DCDC1: variants seen among roughly 807,000 people sequenced by gnomAD.
DCDC1 encodes doublecortin domain containing 1, also known as doublecortin domain-containing protein 1.
In DCDC1, 200 loss-of-function variants were observed where a neutral mutation model predicts 178.3. The ratio of observed to expected loss-of-function variants is 1.12; its 90% CI spans 1.00 to 1.26. The LOEUF (loss-of-function observed/expected upper bound fraction) is 1.26, where lower values mean the gene tolerates loss of function less well. DCDC1 is among the 50% of genes most tolerant of loss of function. The probability of loss-of-function intolerance (pLI) is 0.00; values close to 1 mark genes in which losing one functional copy is unlikely to be tolerated. For synonymous variants in DCDC1, 690 were observed against 604.8 expected (o/e 1.14, Z -2.07); for missense variants, 1,983 against 1,749.2 (o/e 1.13, Z -2.38).
chr11:30,906,769 T>C (rs967524818), intron 29 of DCDC1, 44 bp from the exon 30 acceptor site: 1 of 1,545,492 alleles, frequency 6.5e-7, no homozygotes, highest in South Asian at 1.2e-5. Flanking sequence ...AGCATCTAAA[T>C]TGTTATAGCA....
chr11:31,175,635 A>T (rs1420090970), intron 9 of DCDC1, among the ~76,000 whole-genome samples: 2 of 152,220 alleles, frequency 1.3e-5, no homozygotes, highest in Non-Finnish European at 2.9e-5. Flanking sequence ...CTCAACAGGA[A>T]CCATCACTTC....
At chr11:31,219,253 G>A (rs1031264436) in intron 9 of DCDC1, among the ~76,000 whole-genome samples, 7 of 152,074 alleles carry the variant, frequency 4.6e-5, no homozygotes, top group Admixed American at 4.6e-4. Context: ...CCTGTAAAAA[G>A]AAGCTGGAGG....
At chr11:31,216,874 A>C (rs566975052) in intron 9 of DCDC1, among the ~76,000 whole-genome samples, 1 of 152,352 alleles carries the variant, frequency 6.6e-6, no homozygotes, top group East Asian at 1.9e-4. Flanking sequence ...AAATAGCCAG[A>C]GTAGTCTACA....
chr11:31,042,810 T>G (rs912709903), intron 20 of DCDC1, among the ~76,000 whole-genome samples: 1 of 152,184 alleles, frequency 6.6e-6, no homozygotes, highest in Non-Finnish European at 1.5e-5. Context: ...TTAGTCTCAG[T>G]CCATGTGATT....
intron 20 of DCDC1, among the ~76,000 whole-genome samples, chr11:30,995,767 C>G (rs1241159438): frequency 6.6e-6 from 1 of 151,874 alleles, no homozygotes; most frequent in Non-Finnish European, 1.5e-5. Context: ...ATACCTTATA[C>G]AAAAAAAGTA....
chr11:31,211,894 A>AAC (rs1311896544), intron 9 of DCDC1, among the ~76,000 whole-genome samples: 1 of 152,132 alleles, frequency 6.6e-6, no homozygotes, highest in African/African-American at 2.4e-5. Flanking sequence ...CATCCTGGCT[A>AAC]ACACGGTGAA....
chr11:31,067,567 C>A (rs892096709), intron 18 of DCDC1, among the ~76,000 whole-genome samples: 3 of 151,996 alleles, frequency 2.0e-5, no homozygotes, highest in Non-Finnish European at 4.4e-5. Context: ...TGAAAACATA[C>A]ATACACACAA....
intron 9 of DCDC1, among the ~76,000 whole-genome samples, chr11:31,185,177 C>T (rs1296510052): frequency 3.3e-5 from 5 of 152,164 alleles, no homozygotes; most frequent in East Asian, 1.9e-4. Context: ...TCAAACACTG[C>T]GTGTTCTCAC....
chr11:31,087,274 G>C (rs1471671958), intron 17 of DCDC1, among the ~76,000 whole-genome samples: 1 of 151,906 alleles, frequency 6.6e-6, no homozygotes, highest in Non-Finnish European at 1.5e-5. Flanking sequence ...AATCTGACTA[G>C]AGATTTATTA....
intron 20 of DCDC1, among the ~76,000 whole-genome samples, chr11:31,053,011 CA>C (rs200282656): frequency 1.3e-5 from 2 of 151,064 alleles, no homozygotes; most frequent in Admixed American, 6.6e-5. Flanking sequence ...GAAATGGAAA[CA>C]AAAAAAATTA....
At chr11:30,868,671 T>C (rs1941248626) in intron 38 of DCDC1, among the ~76,000 whole-genome samples, 1 of 152,168 alleles carries the variant, frequency 6.6e-6, no homozygotes, top group Non-Finnish European at 1.5e-5. Flanking sequence ...GTGACTCTTG[T>C]TTGGAAATCT....
intron 6 of DCDC1, among the ~76,000 whole-genome samples, chr11:31,299,977 C>T (rs1947979279): frequency 6.6e-6 from 1 of 152,140 alleles, no homozygotes; most frequent in African/African-American, 2.4e-5. Flanking sequence ...CCTGCCTCAG[C>T]CTTCCTAGTA....
At chr11:31,215,589 T>C (rs1973441066) in intron 9 of DCDC1, among the ~76,000 whole-genome samples, 1 of 151,670 alleles carries the variant, frequency 6.6e-6, no homozygotes, top group African/African-American at 2.4e-5. Context: ...GGTCAGGAGA[T>C]TGAGACCATC....
At chr11:31,229,016 T>A (rs1048704103) in intron 9 of DCDC1, among the ~76,000 whole-genome samples, 1 of 152,068 alleles carries the variant, frequency 6.6e-6, no homozygotes, top group African/African-American at 2.4e-5. Flanking sequence ...AACAGACCTG[T>A]ACATATACCC....
intron 9 of DCDC1, among the ~76,000 whole-genome samples, chr11:31,156,410 G>T (rs1313406790): frequency 6.6e-6 from 1 of 151,326 alleles, no homozygotes; most frequent in Non-Finnish European, 1.5e-5. Context: ...CCCCTGAATT[G>T]GACTATAAAC....
intron 11 of DCDC1, among the ~76,000 whole-genome samples, chr11:31,114,642 G>A (rs1959591555): frequency 2.6e-5 from 4 of 152,188 alleles, no homozygotes; most frequent in Admixed American, 6.5e-5. Context: ...ACAGGAATGT[G>A]TCCAGTATGT....
intron 9 of DCDC1, among the ~76,000 whole-genome samples, chr11:31,214,140 A>T (rs1402987970): frequency 6.6e-6 from 1 of 152,186 alleles, no homozygotes; most frequent in Non-Finnish European, 1.5e-5. Flanking sequence ...AAATAAGGTG[A>T]ATAGGTGACC....
At chr11:30,872,917 G>T (rs1389815251) in intron 38 of DCDC1, among the ~76,000 whole-genome samples, 1 of 151,582 alleles carries the variant, frequency 6.6e-6, no homozygotes, top group Non-Finnish European at 1.5e-5. Context: ...AGCCCCACGG[G>T]GACAGGGATC....
intron 2 of DCDC1, among the ~76,000 whole-genome samples, chr11:31,328,810 C>CA (rs11321441): frequency 0.031 from 1,913 of 60,954 alleles, 26 homozygotes; most frequent in Non-Finnish European, 0.055. Context: ...GACTACATCT[C>CA]AAAAAAAAAA....
Sources: allele counts gnomAD v4.1 joint callset (sites outside exome capture counted in the v4.1 genomes callset), GRCh38; gene constraint gnomAD v4.1.1; transcripts MANE v1.5; gene names NCBI Gene and HGNC (gene_info 2026-07-23, HGNC 2026-07-21).